The following MN1 variants were observed in gnomAD, a reference collection of about 807,000 sequenced individuals.
MN1 encodes MN1 proto-oncogene, transcriptional regulator.
Under a neutral mutation model 86.9 loss-of-function variants are expected in MN1, and 19 were observed. The ratio of observed to expected loss-of-function variants is 0.22; its 90% CI spans 0.15 to 0.32. The LOEUF (loss-of-function observed/expected upper bound fraction) is 0.32. Ranked by LOEUF, MN1 falls within the 10% of genes least tolerant of loss-of-function variation. MN1 has a pLI of 1.00. For synonymous variants in MN1, 928 were observed against 849.6 expected, an observed-to-expected ratio of 1.09 and a Z score of -1.60; for missense variants, 1,841 against 1,862.0, an observed-to-expected ratio of 0.99 and a Z score of 0.21.
chr22:27,777,211 C>T (rs1319677795), intron 1 of MN1, among the ~76,000 whole-genome samples: 1 of 152,120 alleles, frequency 6.6e-6, no homozygotes, highest in Non-Finnish European at 1.5e-5. Flanking sequence ...CTCACCATAG[C>T]GTGGATTTGG....
At chr22:27,755,488 T>C (rs1932796344) in intron 1 of MN1, among the ~76,000 whole-genome samples, 1 of 152,168 alleles carries the variant, frequency 6.6e-6, no homozygotes, top group South Asian at 2.1e-4. Flanking sequence ...TAAGGACAGC[T>C]ATGGCCAGAA....
At chr22:27,751,219 A>G (rs1342288177) in intron 1 of MN1, 123 bp from the exon 2 acceptor site, 1 of 674,754 alleles carries the variant, frequency 1.5e-6, no homozygotes, top group African/African-American at 1.8e-5. Flanking sequence ...TTCCATGGCT[A>G]AAGCTGGTCC....
intron 1 of MN1, among the ~76,000 whole-genome samples, chr22:27,778,329 G>A (rs954807195): frequency 5.9e-5 from 9 of 152,180 alleles, no homozygotes; most frequent in East Asian, 3.9e-4. Flanking sequence ...GCCAGCTGCC[G>A]CGGCCACTTT....
chr22:27,795,075 AAG>A (rs1057230228), intron 1 of MN1, among the ~76,000 whole-genome samples: 1 of 151,780 alleles, frequency 6.6e-6, no homozygotes, highest in African/African-American at 2.4e-5. Context: ...GGGGGGAAAA[AAG>A]GGAGAAGAAG....
intron 1 of MN1, among the ~76,000 whole-genome samples, chr22:27,773,235 G>A (rs987515742): frequency 2.6e-5 from 4 of 152,086 alleles, no homozygotes; most frequent in Non-Finnish European, 5.9e-5. Context: ...GGGGGGTCTG[G>A]AGCCACTCTG....
intron 1 of MN1, among the ~76,000 whole-genome samples, chr22:27,780,909 CTA>C (rs57379507): frequency 0.058 from 8,758 of 152,166 alleles, 671 homozygotes; most frequent in African/African-American, 0.18. Flanking sequence ...TGAATATAGA[CTA>C]TACTGCCTAG....
Position 27,799,656 on chromosome 22 carries a change from C to CTGCTGCTGCGGT in MN1, c.876_887dup (p.Pro297_Gln300dup). 8 of 1,550,272 alleles carry CTGCTGCTGCGGT rather than the reference C, an allele frequency of 5.2e-6. No individual in the cohort carries two copies. Among genetic ancestry groups the CTGCTGCTGCGGT allele is most frequent in the Non-Finnish European group, 7.0e-6 (8 of 1,146,880 alleles). ...GCTGGGGCTGCTGCTGCTGCTGGGG[C>CTGCTGCTGCGGT]TGCTGCTGCGGTGGCTGGGCGTGCA... On this transcript the variant is annotated inframe_insertion, in exon 1 of 2. Transcript: ENST00000302326.
At position 27,797,582 on chromosome 22, in the gene MN1, C is replaced by T; in HGVS notation, c.2962G>A (p.Gly988Arg). The change falls in exon 1 of 2, where the codon GGA becomes AGA. Residue 988 changes from glycine (G) to arginine (R), a missense_variant. Physicochemically the swap from Gly to Arg is moderately radical, Grantham distance 125. Transcript: ENST00000302326. ...CCGCGCGTCTCGCCTGCGGAGCTTCCCCCGACGGCTGCGCCTGACGCTTGC... is the reference window on the plus strand; with the variant it reads ...CCGCGCGTCTCGCCTGCGGAGCTTCTCCCGACGGCTGCGCCTGACGCTTGC... ...QQQASGAAVG[G>R]SSAGETRGAP... The T allele has an allele frequency of 6.2e-7, 1 of 1,600,822 alleles. No homozygotes were observed.
chr22:27,777,587 T>C (rs1274813808), intron 1 of MN1, among the ~76,000 whole-genome samples: 1 of 149,822 alleles, frequency 6.7e-6, no homozygotes, highest in African/African-American at 2.5e-5. Context: ...AGCCCAGCAC[T>C]GTGGCTCATG....
rs1880303753 is a variant in MN1, at chr22:27,750,540, T to C, written c.*375A>G. 1 of 239,766 alleles carries C rather than the reference T, an allele frequency of 4.2e-6. No individual in the cohort carries two copies. Among genetic ancestry groups the C allele is most frequent in the Non-Finnish European group, 8.1e-6 (1 of 122,916 alleles). The allele number at this position is 239,766 out of a possible 1,614,324, so 14.9% of individuals were successfully genotyped here. A position where few individuals can be genotyped will look rare whatever the true frequency, so the allele number is the denominator to read the frequency against. ...ATTATGAAATAACAATACTTGGACA[T>C]ACAGCAGCATGAAAACAAAACAAGG... On this transcript the variant is annotated 3_prime_UTR_variant, in exon 2 of 2. Transcript: ENST00000302326.
chr22:27,770,455 G>A (rs1932904719), intron 1 of MN1, among the ~76,000 whole-genome samples: 1 of 90,690 alleles, frequency 1.1e-5, no homozygotes, highest in Non-Finnish European at 2.0e-5. Flanking sequence ...AGAATCATGT[G>A]GATTCAGGAT....
chr22:27,767,424 C>A (rs1422121591), intron 1 of MN1, among the ~76,000 whole-genome samples: 1 of 152,180 alleles, frequency 6.6e-6, no homozygotes, highest in Non-Finnish European at 1.5e-5. Flanking sequence ...CCCAGCCCAG[C>A]CAACAGACTT....
At chr22:27,780,789 A>G (rs6005616) in intron 1 of MN1, among the ~76,000 whole-genome samples, 11,290 of 152,202 alleles carry the variant, frequency 0.074, 1,215 homozygotes, top group African/African-American at 0.24. Context: ...AACTCCATGA[A>G]GGCAGGGCAT....
intron 1 of MN1, among the ~76,000 whole-genome samples, chr22:27,754,917 C>T (rs953140037): frequency 3.9e-5 from 6 of 152,218 alleles, no homozygotes; most frequent in Admixed American, 3.3e-4. Context: ...TGTCAGCCTC[C>T]CCCATCAGAC....
rs1258684141 is a variant in MN1 at position 27,750,382 on chromosome 22, C to T, written c.*533G>A. ...AACATTGTGATGACAATTGGACTTT[C>T]ACCCGGCAATATTCCAGAACTACTA... On this transcript the variant is annotated 3_prime_UTR_variant, in exon 2 of 2. Transcript: ENST00000302326. The T allele has an allele frequency of 4.3e-6, 1 of 230,390 alleles. No homozygotes were observed. The highest frequency in any genetic ancestry group is 5.7e-5 in the Admixed American group (1 of 17,670). The allele number at this position is 230,390 out of a possible 1,614,324, so 14.3% of individuals were successfully genotyped here.
chr22:27,798,861 C>A lies in MN1; in HGVS notation c.1683G>T (p.Met561Ile), dbSNP rs1933366476. The change falls in exon 1 of 2, where the codon ATG becomes ATT. Residue 561 changes from methionine to isoleucine, a missense_variant. By Grantham distance (10) the Met-to-Ile change is conservative. Coordinates refer to ENST00000302326, the MANE Select transcript of MN1 (RefSeq NM_002430.3). ...GCCGCTGCTGCTGATTCCGCGACGC[C>A]ATCTGCTTAATCATGAGGGCCGCGT... ...RQNAALMIKQMASRNQQQRLR... is the reference protein window; with the variant it reads ...RQNAALMIKQIASRNQQQRLR... 2.6e-6 allele frequency: 4 copies of A among 1,545,034 alleles called. No individual in the cohort carries two copies. The highest frequency in any genetic ancestry group is 3.5e-6 in the Non-Finnish European group (4 of 1,147,260).
rs1004536204 is a variant in MN1 at position 27,750,721 on chromosome 22, TC to T, written c.*193del. 6 of 442,490 alleles carry T rather than the reference TC, an allele frequency of 1.4e-5. No individual in the cohort carries two copies. Among genetic ancestry groups the T allele is most frequent in the East Asian group, 6.9e-5 (2 of 29,066 alleles). 27.4% of individuals were successfully genotyped at this position (442,490 alleles called of 1,614,324 possible). A position where few individuals can be genotyped will look rare whatever the true frequency, so the allele number is the denominator to read the frequency against. ...TCTTTTTTAAAAAAACTTTTGAGGT[TC>T]CCCCCCTTTAAATTAACCCTTTCCG... On this transcript the variant is annotated 3_prime_UTR_variant, in exon 2 of 2. Transcript: ENST00000302326.
intron 1 of MN1, among the ~76,000 whole-genome samples, chr22:27,781,035 A>G (rs752526494): frequency 3.9e-5 from 6 of 151,958 alleles, no homozygotes; most frequent in Non-Finnish European, 2.9e-5. Flanking sequence ...AGCTCAGATG[A>G]TCCTCCCACC....
chr22:27,764,111 C>T (rs1326982662), intron 1 of MN1, among the ~76,000 whole-genome samples: 9 of 152,180 alleles, frequency 5.9e-5, no homozygotes, highest in East Asian at 3.9e-4. Flanking sequence ...GAAGTTAGAC[C>T]GTGTTCCTGC....
Sources: allele counts gnomAD v4.1 joint callset (sites outside exome capture counted in the v4.1 genomes callset), GRCh38; gene constraint gnomAD v4.1.1; transcripts MANE v1.5; gene names NCBI Gene and HGNC (gene_info 2026-07-23, HGNC 2026-07-21).